The following HERC2 variants were observed in gnomAD, a reference collection of about 807,000 sequenced individuals.
HERC2 encodes E3 ubiquitin-protein ligase HERC2.
Under a neutral mutation model 537.7 loss-of-function variants are expected in HERC2, and 102 were observed. The observed-to-expected ratio is 0.19, with a 90% CI of 0.16 to 0.22. The LOEUF (loss-of-function observed/expected upper bound fraction) is 0.22. Among genes scored for constraint, HERC2 ranks in the 10% least tolerant of loss-of-function variants. The probability of loss-of-function intolerance (pLI) is 1.00; values close to 1 mark genes in which losing one functional copy is unlikely to be tolerated. For synonymous variants in HERC2, 2,224 were observed against 2,466.2 expected (o/e 0.90, Z 2.91); for missense variants, 4,236 against 6,198.2 (o/e 0.68, Z 10.63).
In HERC2 at chr15:28,210,225, C is replaced by A. The variant is rs183049400; in HGVS notation, c.7069+777G>T. ...CTCGGCTCACTGTAAGCTCCGCCTC[C>A]CGGATTCATGCCATTCTCCTGCGTC... On this transcript the variant is annotated intron_variant, in intron 44 of 92. Coordinates refer to ENST00000261609, the MANE Select transcript of HERC2 (RefSeq NM_004667.6). Among the ~76,000 whole-genome samples the A allele has an allele frequency of 6.6e-3, 1,006 of 152,196 alleles. 6 individuals are homozygous for A. The highest frequency in any genetic ancestry group is 0.01 in the Non-Finnish European group (695 of 68,008).
chr15:28,118,162 G>A (rs929545418), intron 86 of HERC2: 6 of 161,002 alleles, frequency 3.7e-5, no homozygotes, highest in African/African-American at 1.4e-4. Context: ...GTGAGTTCCT[G>A]GAAACTCGCG....
At chr15:28,282,928 A>AGATGGGAAGG (rs2076058192) in intron 4 of HERC2, among the ~76,000 whole-genome samples, 2 of 147,692 alleles carry the variant, frequency 1.4e-5, no homozygotes, top group African/African-American at 5.1e-5. Flanking sequence ...GAGACTCCGA[A>AGATGGGAAGG]GATGGGAAGG....
chr15:28,273,076 A>C, intron 7 of HERC2, 72 bp from the exon 8 acceptor site: 2 of 1,015,732 alleles, frequency 2.0e-6, no homozygotes, highest in Non-Finnish European at 3.1e-6. Flanking sequence ...TCACACTAAC[A>C]CATTTACTAC....
intron 4 of HERC2, among the ~76,000 whole-genome samples, chr15:28,291,242 T>A (rs2076302765): frequency 6.6e-6 from 1 of 152,148 alleles, no homozygotes; most frequent in Admixed American, 6.5e-5. Context: ...CGAATTTTTT[T>A]TTAAGAAACA....
intron 2 of HERC2, among the ~76,000 whole-genome samples, chr15:28,314,760 C>G (rs904711251): frequency 2.6e-5 from 4 of 151,734 alleles, no homozygotes; most frequent in African/African-American, 7.3e-5. Context: ...ACTCCGGAGT[C>G]TGAGGCAGGA....
chr15:28,143,743 G>A (rs1891462950), intron 74 of HERC2, 130 bp downstream of exon 74: 20 of 1,226,112 alleles, frequency 1.6e-5, no homozygotes, highest in Non-Finnish European at 2.3e-5. Flanking sequence ...ACCGCGCCCG[G>A]TCCAAGGCCT....
intron 7 of HERC2, 121 bp from the exon 8 acceptor site, chr15:28,273,125 G>C (rs756401108): frequency 7.3e-5 from 54 of 739,356 alleles, no homozygotes; most frequent in Non-Finnish European, 1.0e-4. Flanking sequence ...TTAATATTTA[G>C]GATCAAGTTT....
rs770701507 is a variant in HERC2, at chr15:28,248,642, C to G, written c.3145G>C (p.Ala1049Pro). The part of the protein sequence containing the change: ...DFEQHSRERS[A>P]SLDLLLRFQR... Reference sequence around the variant, plus strand: ...AAACGCAGTAACAAATCCAATGAAGCAGATCTTTCACGACTGTGTTGCTCA... The same window carrying G: ...AAACGCAGTAACAAATCCAATGAAGGAGATCTTTCACGACTGTGTTGCTCA... The change falls in exon 21 of 93, where the codon GCT (alanine) becomes CCT (proline). Residue 1049 changes from alanine (A) to proline (P), a missense_variant. Ala to Pro is a conservative substitution (Grantham distance 27). Around this residue, in one of 27 missense-constraint regions of HERC2, gnomAD observed 754 missense variants for 1,085.0 expected, o/e 0.69. Transcript: ENST00000261609. The G allele has an allele frequency of 1.2e-6, 2 of 1,613,914 alleles. No homozygotes were observed.
Position 28,168,433 on chromosome 15 carries a change from G to T in HERC2, c.10387C>A (p.Pro3463Thr), listed in dbSNP as rs1894366116. The T allele has an allele frequency of 6.2e-7, 1 of 1,613,854 alleles. No individual in the cohort carries two copies. Among genetic ancestry groups the T allele is most frequent in the African/African-American group, 1.3e-5 (1 of 74,896 alleles). The change falls in exon 67 of 93, where the codon CCA becomes ACA. Residue 3463 changes from proline (P) to threonine (T), a missense_variant. Physicochemically the swap from Pro to Thr is conservative, Grantham distance 38 (BLOSUM62 -1). Coordinates refer to ENST00000261609, the MANE Select transcript of HERC2 (RefSeq NM_004667.6). ...LAVDIEDRLS[P>T]NPWQEKREIV... ...TCTCTCTTTTCTTGCCATGGATTTG[G>T]ACTCAGTCTGTCTTCGATATCAACA...
Position 28,178,991 on chromosome 15 carries a change from G to A in HERC2, c.9059C>T (p.Thr3020Met), listed in dbSNP as rs747078370. 6.2e-6 allele frequency: 10 copies of A among 1,614,086 alleles called. No homozygotes were observed. The highest frequency in any genetic ancestry group is 8.5e-6 in the Non-Finnish European group (10 of 1,180,040). The part of the protein sequence containing the change: ...EGKVYACGEA[T>M]NGRLGLGISS... ...AATGCCCAGCCCCAGCCGGCCATTCGTGGCTTCTCCACAGGCATACACCTT... is the reference window on the plus strand; with the variant it reads ...AATGCCCAGCCCCAGCCGGCCATTCATGGCTTCTCCACAGGCATACACCTT... Residue 3020 changes from threonine (T) to methionine (M), a missense_variant, in exon 59 of 93, where the codon ACG (threonine) becomes ATG (methionine). Physicochemically the swap from Thr to Met is moderately conservative, Grantham distance 81. Coordinates refer to ENST00000261609, the MANE Select transcript of HERC2 (RefSeq NM_004667.6).
Position 28,255,998 on chromosome 15 carries a change from TGAAATA to T in HERC2, c.2747-8_2747-3del, listed in dbSNP as rs1158028844. ...TTATGTTCACTTCATTGCCTGAAACTGAAATAGAAAGTGTGTGCCAATTTGAGTGAA... is the reference window on the plus strand; with the variant it reads ...TTATGTTCACTTCATTGCCTGAAACTGAAAGTGTGTGCCAATTTGAGTGAA... On this transcript the variant is annotated splice_region_variant and splice_polypyrimidine_tract_variant and intron_variant, in intron 18 of 92. Coordinates refer to ENST00000261609, the MANE Select transcript of HERC2 (RefSeq NM_004667.6). 24 of 1,605,742 alleles carry T rather than the reference TGAAATA, an allele frequency of 1.5e-5. No homozygotes were observed. The highest frequency in any genetic ancestry group is 1.7e-5 in the Admixed American group (1 of 59,992).
rs756846638 is a variant in HERC2, at chr15:28,135,626, G to A, written c.12082C>T (p.Pro4028Ser). 29 of 1,613,954 alleles carry A rather than the reference G, an allele frequency of 1.8e-5. No individual in the cohort carries two copies. The highest frequency in any genetic ancestry group is 2.3e-5 in the Non-Finnish European group (27 of 1,179,996). ...GIGGTESVSTPTLLESIQHVF... is the reference protein window; with the variant it reads ...GIGGTESVSTSTLLESIQHVF... The stretch of plus-strand genomic sequence containing the variant: ...TGCTGAATGGATTCAAGCAATGTTG[G>A]GGTGGACACCGACTCTGTCCCTCCA... The change falls in exon 79 of 93, where the codon CCA becomes TCA. Residue 4028 changes from proline to serine, a missense_variant. This residue lies in a region of HERC2 where 43 missense variants were observed against 82.6 expected (regional missense o/e 0.52). Transcript: ENST00000261609.
intron 52 of HERC2, among the ~76,000 whole-genome samples, chr15:28,194,264 A>C (rs1449336947): frequency 1.0e-4 from 15 of 144,148 alleles, no homozygotes; most frequent in African/African-American, 3.8e-4. Context: ...ACGGGGTTTC[A>C]CCGTGTTAGC....
intron 2 of HERC2, among the ~76,000 whole-genome samples, chr15:28,313,403 C>T (rs2905947): frequency 3.3e-4 from 50 of 152,080 alleles, no homozygotes; most frequent in African/African-American, 1.2e-3. Flanking sequence ...ATGGTCTCGA[C>T]CTCCTGACCT....
In HERC2 at chr15:28,218,787, T is replaced by C. The variant is rs1900207598; in HGVS notation, c.5846-116A>G. 4 of 959,024 alleles carry C rather than the reference T, an allele frequency of 4.2e-6. No homozygotes were observed. The South Asian group carries it at 5.4e-5, about 13-fold the overall frequency. The allele number at this position is 959,024 out of a possible 1,614,324, so 59.4% of individuals were successfully genotyped here. A position where few individuals can be genotyped will look rare whatever the true frequency, so the allele number is the denominator to read the frequency against. Reference sequence around the variant, plus strand: ...CTTGTTTTATTGAAGACTTGAATTTTAGTGCAGTTTTAGGTTCACGCAAAA... The same window carrying C: ...CTTGTTTTATTGAAGACTTGAATTTCAGTGCAGTTTTAGGTTCACGCAAAA... On this transcript the variant is annotated intron_variant, in intron 37 of 92. Transcript: ENST00000261609.
At chr15:28,194,576 A>G (rs1897172989) in intron 52 of HERC2, among the ~76,000 whole-genome samples, 1 of 151,498 alleles carries the variant, frequency 6.6e-6, no homozygotes, top group Non-Finnish European at 1.5e-5. Flanking sequence ...CGTCTCAAAA[A>G]AAACAAAACA....
At chr15:28,287,344 A>T (rs958903706) in intron 4 of HERC2, among the ~76,000 whole-genome samples, 1 of 152,170 alleles carries the variant, frequency 6.6e-6, no homozygotes, top group Non-Finnish European at 1.5e-5. Flanking sequence ...AGCCCCTTCA[A>T]GGCTGCCAGG....
rs949248790 is a variant in HERC2 at position 28,113,093 on chromosome 15, C to T, written c.14210G>A (p.Arg4737Gln). The T allele has an allele frequency of 1.9e-6, 3 of 1,613,418 alleles. No homozygotes were observed. Among genetic ancestry groups the T allele is most frequent in the South Asian group, 1.1e-5 (1 of 91,074 alleles). ...TRLPRTIADF[R>Q]GRDFVIQVLD... ...TACCTGGATGACGAAGTCTCGGCCC[C>T]GGAAGTCGGCGATGGTCCTGGGCAG... The change falls in exon 92 of 93, where the codon CGG (arginine) becomes CAG (glutamine). Residue 4737 changes from arginine (R) to glutamine (Q), a missense_variant. Coordinates refer to ENST00000261609, the MANE Select transcript of HERC2 (RefSeq NM_004667.6). This position sits in a 1 kb window ranked among gnomAD's most constrained non-coding sequence, Gnocchi z 7.0.
At chr15:28,246,938 A>T (rs1421303563) in intron 21 of HERC2, 41 bp from the exon 22 acceptor site, 2 of 1,571,254 alleles carry the variant, frequency 1.3e-6, no homozygotes, top group Non-Finnish European at 1.7e-6. Context: ...CACTACTAAA[A>T]TTTTTCTTTG....
Sources: gnomAD v4.1 joint callset for allele counts (sites outside exome capture counted in the v4.1 genomes callset) on GRCh38, gnomAD v4.1.1 for gene constraint, gnomAD v4.1.1 regional missense constraint, Gnocchi (gnomAD v3.1) non-coding constraint, MANE v1.5 for transcripts, NCBI Gene and HGNC (gene_info 2026-07-23, HGNC 2026-07-21) for gene names.